AGAP1: variants seen among roughly 807,000 people sequenced by gnomAD.
AGAP1 encodes the protein arf-GAP with GTPase, ANK repeat and PH domain-containing protein 1.
Under a neutral mutation model 105.3 loss-of-function variants are expected in AGAP1, and 29 were observed. The ratio of observed to expected loss-of-function variants is 0.28; its 90% confidence interval spans 0.21 to 0.38. AGAP1 has a LOEUF of 0.38. Ranked by LOEUF, AGAP1 falls within the 10% of genes least tolerant of loss-of-function variation. The pLI is 1.00. For missense variants in AGAP1, 998 were observed against 1,165.1 expected (o/e 0.86, Z 2.09); for synonymous variants, 509 against 485.9 (o/e 1.05, Z -0.63).
chr2:235,914,357 G>C (rs183427334), intron 11 of AGAP1, among the ~76,000 whole-genome samples: 4 of 152,230 alleles, frequency 2.6e-5, no homozygotes, highest in South Asian at 2.1e-4. Flanking sequence ...ATATTGGGGT[G>C]GGGGGAGGAC....
At chr2:235,636,973 C>G (rs1035257256) in intron 1 of AGAP1, among the ~76,000 whole-genome samples, 1 of 152,126 alleles carries the variant, frequency 6.6e-6, no homozygotes, top group Non-Finnish European at 1.5e-5. Context: ...GACAGAGGCT[C>G]GCAGCAGACC....
chr2:236,067,156 C>A (rs1207097115), intron 16 of AGAP1, among the ~76,000 whole-genome samples: 1 of 151,878 alleles, frequency 6.6e-6, no homozygotes, highest in Non-Finnish European at 1.5e-5. Context: ...CTGGTCTTTA[C>A]CACTGGCTTG....
chr2:236,052,301 C>T (rs766817537), intron 16 of AGAP1, among the ~76,000 whole-genome samples: 8 of 152,098 alleles, frequency 5.3e-5, no homozygotes, highest in Non-Finnish European at 1.2e-4. Flanking sequence ...AGAAATGCGT[C>T]GTTCAGCCTG....
chr2:235,506,555 T>C (rs1254576407), intron 1 of AGAP1, among the ~76,000 whole-genome samples: 1 of 151,986 alleles, frequency 6.6e-6, no homozygotes, highest in Non-Finnish European at 1.5e-5. Flanking sequence ...GACTATGATA[T>C]TGTCTTTTGG....
In AGAP1 at chr2:236,087,543, A is replaced by G. The variant is rs62189427; in HGVS notation, c.2115-32649A>G. On this transcript the variant is annotated intron_variant, in intron 16 of 17. Coordinates refer to ENST00000304032, the MANE Select transcript of AGAP1 (RefSeq NM_001037131.3). This position sits in a 1 kb window ranked among gnomAD's most constrained non-coding sequence, Gnocchi z 5.7. ...TGTAGGACTGTGGTGCACACTGCCC[A>G]TGACGGGCTACTTGGACGGCTCATG... Among the ~76,000 whole-genome samples, 861 of 152,312 alleles carry G rather than the reference A, an allele frequency of 5.7e-3. 5 individuals carry two copies. The highest frequency in any genetic ancestry group is 0.014 in the Middle Eastern group (4 of 294).
rs1352684478 is a variant in AGAP1, at chr2:235,877,533, A to C, written c.1051-5812A>C. On this transcript the variant is annotated intron_variant, in intron 9 of 17. Transcript: ENST00000304032. This position sits in a 1 kb window ranked among gnomAD's most constrained non-coding sequence, Gnocchi z 4.3. ...GCATGCGGTGCCTTCCCCGGGGGTT[A>C]ACTTGTTCTCAGAGTGAGTGATTTA... is the stretch of plus-strand genomic sequence containing the variant. 1.3e-5 allele frequency among the ~76,000 whole-genome samples: 2 copies of C among 151,962 alleles called. No individual in the cohort carries two copies. Among genetic ancestry groups the C allele is most frequent in the African/African-American group, 4.8e-5 (2 of 41,328 alleles).
rs559856988 is a variant in AGAP1 at position 235,556,218 on chromosome 2, C to T, written c.163+61369C>T. Among the ~76,000 whole-genome samples, 40 of 152,342 alleles carry T rather than the reference C, an allele frequency of 2.6e-4. No homozygotes were observed. Among genetic ancestry groups the T allele is most frequent in the African/African-American group, 9.6e-4 (40 of 41,594 alleles). ...CAGAGCTGCCCCCTCATGCCTTGGC[C>T]AATCACAGAGCACCCTTTCTGTCCA... On this transcript the variant is annotated intron_variant, in intron 1 of 17. Coordinates refer to ENST00000304032, the MANE Select transcript of AGAP1 (RefSeq NM_001037131.3). This position sits in a 1 kb window ranked among gnomAD's most constrained non-coding sequence, Gnocchi z 5.3.
chr2:235,512,089 ATGTGTGTGTGTGTGAATG>A (rs1942165458), intron 1 of AGAP1, among the ~76,000 whole-genome samples: 1 of 27,132 alleles, frequency 3.7e-5, no homozygotes, highest in African/African-American at 2.6e-4. Flanking sequence ...GCGTGTGTGA[ATGTGTGTGTGTGTGAATG>A]TGTGTGTGTG....
rs949766982 is a variant in AGAP1, at chr2:236,113,245, A to G, written c.2115-6947A>G. On this transcript the variant is annotated intron_variant, in intron 16 of 17. Transcript: ENST00000304032. The surrounding 1 kb of genome is among the most constrained non-coding windows in gnomAD (Gnocchi z 4.3). Reference sequence around the variant, plus strand: ...AACCTCCGCCTCCCGGGTTCAAGCAATTCTCTGCCTCAGCCCCCCCGAGTA... The same window carrying G: ...AACCTCCGCCTCCCGGGTTCAAGCAGTTCTCTGCCTCAGCCCCCCCGAGTA... 2.6e-5 allele frequency among the ~76,000 whole-genome samples: 4 copies of G among 151,164 alleles called. No homozygotes were observed. The highest frequency in any genetic ancestry group is 4.9e-5 in the African/African-American group (2 of 41,142).
intron 12 of AGAP1, among the ~76,000 whole-genome samples, chr2:235,943,385 A>T (rs2053350010): frequency 3.5e-5 from 1 of 28,548 alleles, no homozygotes; most frequent in South Asian, 2.0e-3. Flanking sequence ...TTTTTTTGAC[A>T]CAGAGTTTCA....
chr2:235,516,437 A>G lies in AGAP1; in HGVS notation c.163+21588A>G, dbSNP rs147209679. Among the ~76,000 whole-genome samples, 488 of 152,250 alleles carry G rather than the reference A, an allele frequency of 3.2e-3. 2 individuals carry two copies. The highest frequency in any genetic ancestry group is 0.011 in the African/African-American group (466 of 41,546). The stretch of plus-strand genomic sequence containing the variant: ...TGAGAGGCAGTATATGTCATGTCTA[A>G]GAAGAGTCCTCAAGTGAAGTCTGGT... On this transcript the variant is annotated intron_variant, in intron 1 of 17. Transcript: ENST00000304032.
At chr2:235,619,756 C>T (rs923610135) in intron 1 of AGAP1, among the ~76,000 whole-genome samples, 3 of 152,216 alleles carry the variant, frequency 2.0e-5, no homozygotes, top group African/African-American at 7.2e-5. Context: ...ACACCAGCTT[C>T]GGCGCCCGAA....
In AGAP1 at chr2:235,913,617, A is replaced by G. The variant is rs79289093; in HGVS notation, c.1324+4711A>G. Among the ~76,000 whole-genome samples, 420 of 152,258 alleles carry G rather than the reference A, an allele frequency of 2.8e-3. 5 individuals carry two copies. Among genetic ancestry groups the G allele is most frequent in the Admixed American group, 0.017 (265 of 15,300 alleles). ...GTCTTAGATGTATGACTCCGTTTGT[A>G]TCTGGTAGTATAACACAGTTGAATA... is the stretch of plus-strand genomic sequence containing the variant. On this transcript the variant is annotated intron_variant, in intron 11 of 17. Coordinates refer to ENST00000304032, the MANE Select transcript of AGAP1 (RefSeq NM_001037131.3).
chr2:235,951,971 T>C lies in AGAP1; in HGVS notation c.1484-16491T>C, dbSNP rs80018626. Among the ~76,000 whole-genome samples, 2,528 of 152,338 alleles carry C rather than the reference T, an allele frequency of 0.017. 77 individuals are homozygous for C. The highest frequency in any genetic ancestry group is 0.058 in the African/African-American group (2,402 of 41,572). On this transcript the variant is annotated intron_variant, in intron 12 of 17. Coordinates refer to ENST00000304032, the MANE Select transcript of AGAP1 (RefSeq NM_001037131.3). This position sits in a 1 kb window ranked among gnomAD's most constrained non-coding sequence, Gnocchi z 4.2. ...GAACCTTCTGTCATCCTACCTGCTA[T>C]GTATTTGTGACCTGATATATTATTT...
chr2:235,671,801 G>A (rs1948447766), intron 1 of AGAP1, among the ~76,000 whole-genome samples: 1 of 152,212 alleles, frequency 6.6e-6, no homozygotes, highest in African/African-American at 2.4e-5. Flanking sequence ...CCTCAGACAG[G>A]GACTTTGCAT....
Position 235,690,137 on chromosome 2 carries a change from C to T in AGAP1, c.164-19042C>T, listed in dbSNP as rs1161507816. On this transcript the variant is annotated intron_variant, in intron 1 of 17. Coordinates refer to ENST00000304032, the MANE Select transcript of AGAP1 (RefSeq NM_001037131.3). This position sits in a 1 kb window ranked among gnomAD's most constrained non-coding sequence, Gnocchi z 4.1. ...GTGCTGAGTCCCCAGGTTCCCCTCTCCCCCTACCTGAGGTACTGAGGGATC... is the reference window on the plus strand; with the variant it reads ...GTGCTGAGTCCCCAGGTTCCCCTCTTCCCCTACCTGAGGTACTGAGGGATC... 6.6e-6 allele frequency among the ~76,000 whole-genome samples: 1 copy of T among 152,026 alleles called. No individual in the cohort carries two copies. The highest frequency in any genetic ancestry group is 1.5e-5 in the Non-Finnish European group (1 of 68,014).
chr2:236,122,511 C>T (rs2059923528), intron 17 of AGAP1, among the ~76,000 whole-genome samples: 2 of 152,076 alleles, frequency 1.3e-5, no homozygotes, highest in South Asian at 4.1e-4. Flanking sequence ...TGTGAGTTGG[C>T]AGAAGTGGAA....
At position 235,557,639 on chromosome 2, in the gene AGAP1, CT is replaced by C. The variant is rs1300008905; in HGVS notation, c.163+62793del. 1.3e-5 allele frequency among the ~76,000 whole-genome samples: 2 copies of C among 152,188 alleles called. No homozygotes were observed. The highest frequency in any genetic ancestry group is 6.5e-5 in the Admixed American group (1 of 15,280). On this transcript the variant is annotated intron_variant, in intron 1 of 17. Transcript: ENST00000304032. This position sits in a 1 kb window ranked among gnomAD's most constrained non-coding sequence, Gnocchi z 4.7. ...ATCCTTCCAGCATCCTGTCCTAGAACTTTCCCTGCTGTCTGGATAAGGAAAC... is the reference window on the plus strand; with the variant it reads ...ATCCTTCCAGCATCCTGTCCTAGAACTTCCCTGCTGTCTGGATAAGGAAAC...
rs868562817 is a variant in AGAP1, at chr2:235,867,053, C to G, written c.1051-16292C>G. On this transcript the variant is annotated intron_variant, in intron 9 of 17. Coordinates refer to ENST00000304032, the MANE Select transcript of AGAP1 (RefSeq NM_001037131.3). This position sits in a 1 kb window ranked among gnomAD's most constrained non-coding sequence, Gnocchi z 5.4. ...TCGGGGGGTGCTTGCTTATGCGGAG[C>G]CTGTGACCCTGCAGCTCAGCATGGG... 2.0e-5 allele frequency among the ~76,000 whole-genome samples: 3 copies of G among 152,122 alleles called. No homozygotes were observed. Among genetic ancestry groups the G allele is most frequent in the African/African-American group, 7.2e-5 (3 of 41,400 alleles).
Sources: allele counts gnomAD v4.1 joint callset (sites outside exome capture counted in the v4.1 genomes callset), GRCh38; gene constraint gnomAD v4.1.1; non-coding constraint Gnocchi (gnomAD v3.1); transcripts MANE v1.5; gene names NCBI Gene and HGNC (gene_info 2026-07-23, HGNC 2026-07-21).